The following MYMK variants were observed in gnomAD, a reference collection of about 807,000 sequenced individuals.
MYMK encodes protein myomaker.
A neutral mutation model predicts 22.4 loss-of-function variants in MYMK; 16 were observed. The observed-to-expected ratio is 0.72, with a 90% confidence interval of 0.48 to 1.09. MYMK has a LOEUF of 1.09. MYMK is among the 50% of genes least tolerant of loss of function. MYMK has a pLI of 0.00. For synonymous variants in MYMK, 125 were observed against 127.0 expected, an observed-to-expected ratio of 0.98 and a Z score of 0.11; for missense variants, 250 against 295.6, an observed-to-expected ratio of 0.85 and a Z score of 1.13.
chr9:133,523,705 GAGAGAGAGAGAGAGAC>G (rs1309026639), intron 1 of MYMK, among the ~76,000 whole-genome samples: 12 of 95,278 alleles, frequency 1.3e-4, no homozygotes, highest in Admixed American at 1.8e-4. Context: ...GAGAGAGAGA[GAGAGAGAGAGAGAGAC>G]AAGCTGGAGA....
intron 1 of MYMK, 83 bp downstream of exon 1, chr9:133,524,627 A>G (rs1368344860): frequency 6.2e-7 from 1 of 1,600,764 alleles, no homozygotes; most frequent in Non-Finnish European, 8.5e-7. Flanking sequence ...ATCACCCAAT[A>G]CAAGAACGCT....
At chr9:133,522,583 T>C (rs1206261658) in intron 1 of MYMK, among the ~76,000 whole-genome samples, 1 of 152,144 alleles carries the variant, frequency 6.6e-6, no homozygotes. Flanking sequence ...GTGGGGCCTC[T>C]GAGACCAGTG....
At chr9:133,523,585 G>A (rs1844728109) in intron 1 of MYMK, among the ~76,000 whole-genome samples, 1 of 151,990 alleles carries the variant, frequency 6.6e-6, no homozygotes, top group South Asian at 2.1e-4. Flanking sequence ...AGGCAAGAAG[G>A]CAGGGGGTAC....
At chr9:133,522,572 G>A (rs914344391) in intron 1 of MYMK, among the ~76,000 whole-genome samples, 2 of 152,190 alleles carry the variant, frequency 1.3e-5, no homozygotes, top group Non-Finnish European at 1.5e-5. Flanking sequence ...GGTGGGGCAG[G>A]GTGGGGCCTC....
chr9:133,524,621 C>A, intron 1 of MYMK, 89 bp downstream of exon 1: 2 of 1,592,648 alleles, frequency 1.3e-6, no homozygotes, highest in Non-Finnish European at 1.7e-6. Flanking sequence ...CTGCTCATCA[C>A]CCAATACAAG....
At chr9:133,517,488 A>G (rs1475097925) in intron 3 of MYMK, among the ~76,000 whole-genome samples, 1 of 152,192 alleles carries the variant, frequency 6.6e-6, no homozygotes, top group African/African-American at 2.4e-5. Flanking sequence ...CAACGTGGTG[A>G]AACCCCATCG....
At position 133,520,267 on chromosome 9, in the gene MYMK, G is replaced by A. The variant is rs1226936606; in HGVS notation, c.157C>T (p.Pro53Ser). Reference protein sequence around the residue: ...FVALHHACNGPGLSVLCFMRH... With the variant: ...FVALHHACNGSGLSVLCFMRH... ...ATGAAGCACAGCACAGACAAGCCGG[G>A]TCCATTGCAGGCATGGTGGAGCTGC... The change falls in exon 2 of 5, where the codon CCC becomes TCC. Residue 53 changes from proline (P) to serine (S), a missense_variant. Physicochemically the swap from Pro to Ser is moderately conservative, Grantham distance 74 (BLOSUM62 -1). Coordinates refer to ENST00000339996, the MANE Select transcript of MYMK (RefSeq NM_001080483.3). The A allele has an allele frequency of 3.7e-6, 6 of 1,614,144 alleles. No homozygotes were observed. Among genetic ancestry groups the A allele is most frequent in the Non-Finnish European group, 5.1e-6 (6 of 1,180,018 alleles).
chr9:133,514,829 C>A (rs764570746), intron 4 of MYMK, 44 bp from the exon 5 acceptor site: 2 of 1,587,882 alleles, frequency 1.3e-6, no homozygotes, highest in African/African-American at 1.3e-5. Flanking sequence ...GCCCCCTCCC[C>A]GAGGCTCCTC....
rs75849697 is a variant in MYMK, at chr9:133,515,163, C to T, written c.516+328G>A. Among the ~76,000 whole-genome samples, 1,876 of 151,640 alleles carry T rather than the reference C, an allele frequency of 0.012. 51 individuals are homozygous for T. Among genetic ancestry groups the T allele is most frequent in the African/African-American group, 0.042 (1,742 of 41,292 alleles). On this transcript the variant is annotated intron_variant, in intron 4 of 4. Transcript: ENST00000339996. This position sits in a 1 kb window ranked among gnomAD's most constrained non-coding sequence, Gnocchi z 5.8. ...CCCTCCTTCCTTCCCTGTCTCCTCC[C>T]CTCCCTCCCTCCCTCCTCCAGGTGT...
chr9:133,523,048 C>T (rs1588267145), intron 1 of MYMK, among the ~76,000 whole-genome samples: 2 of 152,194 alleles, frequency 1.3e-5, no homozygotes, highest in South Asian at 2.1e-4. Context: ...CTCAGAAGCT[C>T]CAGGGCATCT....
intron 3 of MYMK, among the ~76,000 whole-genome samples, chr9:133,516,267 G>A (rs749350741): frequency 5.3e-5 from 8 of 152,210 alleles, no homozygotes; most frequent in Non-Finnish European, 1.2e-4. Flanking sequence ...GAGTCTATTT[G>A]GGATTTTCAA....
chr9:133,514,861 C>A (rs1844611319), intron 4 of MYMK, 76 bp from the exon 5 acceptor site: 2 of 1,465,248 alleles, frequency 1.4e-6, no homozygotes, highest in Non-Finnish European at 1.8e-6. Flanking sequence ...CCCAGCAGAG[C>A]CCCTTCAGGC....
At chr9:133,524,354 G>C (rs1844736071) in intron 1 of MYMK, among the ~76,000 whole-genome samples, 1 of 152,070 alleles carries the variant, frequency 6.6e-6, no homozygotes, top group African/African-American at 2.4e-5. Flanking sequence ...AAGAGAGGTG[G>C]GGAGGGGAGG....
In MYMK at chr9:133,518,072, G is replaced by A. The variant is rs751236678; in HGVS notation, c.399+802C>T. ...GGGCTGCTGCAGGCCTGGAGAGCAG[G>A]CTCAGGCTGAAGCCTGCTGGCTCCC... is the stretch of plus-strand genomic sequence containing the variant. On this transcript the variant is annotated intron_variant, in intron 3 of 4. Coordinates refer to ENST00000339996, the MANE Select transcript of MYMK (RefSeq NM_001080483.3). Among the ~76,000 whole-genome samples the A allele has an allele frequency of 5.2e-5, 8 of 152,384 alleles. No individual in the cohort carries two copies. The East Asian group carries it at 7.7e-4, about 15-fold the overall frequency.
Position 133,514,740 on chromosome 9 carries a change from C to G in MYMK, c.562G>C (p.Ala188Pro). The G allele has an allele frequency of 1.2e-6, 2 of 1,614,070 alleles. No individual in the cohort carries two copies. Among genetic ancestry groups the G allele is most frequent in the Non-Finnish European group, 1.7e-6 (2 of 1,179,922 alleles). ...YVHSFYHCAL[A>P]MSFVLLLPKV... ...GGCAGCAGCAGAACAAAGGACATAG[C>G]CAGGGCACAGTGGTAGAAGCTGTGG... The change falls in exon 5 of 5, where the codon GCT becomes CCT. Residue 188 changes from alanine to proline, a missense_variant. Ala to Pro is a conservative substitution (Grantham distance 27, BLOSUM62 -1). Coordinates refer to ENST00000339996, the MANE Select transcript of MYMK (RefSeq NM_001080483.3).
intron 3 of MYMK, 137 bp downstream of exon 3, chr9:133,518,736 GT>G: frequency 1.7e-6 from 2 of 1,142,896 alleles, no homozygotes; most frequent in Non-Finnish European, 2.4e-6. Flanking sequence ...TTTCTACGTG[GT>G]TTTGCTGAAT....
At chr9:133,516,092 C>T (rs1009330706) in intron 3 of MYMK, among the ~76,000 whole-genome samples, 4 of 152,358 alleles carry the variant, frequency 2.6e-5, no homozygotes, top group Non-Finnish European at 4.4e-5. Flanking sequence ...CTATCTCACT[C>T]TTCATTAGAC....
In MYMK at chr9:133,515,534, A is replaced by C. The variant is rs201549950; in HGVS notation, c.473T>G (p.Leu158Arg). Residue 158 changes from leucine (L) to arginine (R), a missense_variant, in exon 4 of 5, where the codon CTC becomes CGC. By Grantham distance (102) the Leu-to-Arg change is moderately radical. Transcript: ENST00000339996. The surrounding 1 kb of genome is among the most constrained non-coding windows in gnomAD (Gnocchi z 5.8). The part of the protein sequence containing the change: ...SVYTQQIGPG[L>R]CFGALALMLR... ...CATCAGGGCCAGCGCCCCGAAGCAG[A>C]GGCCGGGGCCTATCTGCTGGGTGTA... The C allele has an allele frequency of 3.1e-6, 5 of 1,613,706 alleles. No individual in the cohort carries two copies. Among genetic ancestry groups the C allele is most frequent in the Non-Finnish European group, 4.2e-6 (5 of 1,179,738 alleles).
intron 2 of MYMK, 108 bp downstream of exon 2, chr9:133,520,066 G>A: frequency 1.3e-6 from 1 of 770,950 alleles, no homozygotes; most frequent in South Asian, 1.7e-5. Flanking sequence ...GGGGCTGGGA[G>A]TGAGTGGGGA....
Sources: allele counts gnomAD v4.1 joint callset (sites outside exome capture counted in the v4.1 genomes callset), GRCh38; gene constraint gnomAD v4.1.1; non-coding constraint Gnocchi (gnomAD v3.1); transcripts MANE v1.5; gene names NCBI Gene and HGNC (gene_info 2026-07-23, HGNC 2026-07-21).